The following SLCO1B3 variants were observed in gnomAD, a reference collection of about 807,000 sequenced individuals.
SLCO1B3 encodes liver-specific organic anion transporter 2.
In SLCO1B3, 72 loss-of-function variants were observed where a neutral mutation model predicts 71.8. The ratio of observed to expected loss-of-function variants is 1.00; its 90% CI spans 0.83 to 1.22. SLCO1B3 has a LOEUF of 1.22. Among genes scored for constraint, SLCO1B3 ranks in the 50% most tolerant of loss-of-function variants. The pLI, the probability that SLCO1B3 is intolerant of heterozygous loss-of-function variation, is 0.00. For missense variants in SLCO1B3, 911 were observed against 819.7 expected (o/e 1.11, Z -1.36); for synonymous variants, 298 against 278.4 (o/e 1.07, Z -0.70).
rs530603105 is a variant in SLCO1B3 at position 20,817,624 on chromosome 12, G to A, written c.84+1802G>A. Among the ~76,000 whole-genome samples, 5 of 152,086 alleles carry A rather than the reference G, an allele frequency of 3.3e-5. No individual in the cohort carries two copies. In the South Asian group the frequency reaches 1.0e-3, roughly 32 times the overall value. On this transcript the variant is annotated intron_variant, in intron 3 of 15. Transcript: ENST00000381545. ...TTTTTTTGAGATGGAGTCTCGCTCT[G>A]TCACCCAGGCTGGAGTGCAGTGGCA...
intron 3 of SLCO1B3, among the ~76,000 whole-genome samples, chr12:20,843,380 A>C (rs4382961): frequency 6.6e-6 from 1 of 151,698 alleles, no homozygotes; most frequent in Admixed American, 6.6e-5. Flanking sequence ...GTATCTTTAC[A>C]TGCCACACTT....
intron 3 of SLCO1B3, among the ~76,000 whole-genome samples, chr12:20,854,305 C>CATTATTATT (rs138788559): frequency 0.13 from 19,634 of 151,066 alleles, 1,438 homozygotes; most frequent in Middle Eastern, 0.23. Context: ...ATTGAAGTAT[C>CATTATTATT]ATTATTATTA....
chr12:20,871,693 G>C (rs1591772541), intron 8 of SLCO1B3, among the ~76,000 whole-genome samples: 1 of 152,066 alleles, frequency 6.6e-6, no homozygotes, highest in Non-Finnish European at 1.5e-5. Flanking sequence ...AGAGACTCTT[G>C]TTCTCTTCCC....
chr12:20,909,267 G>A (rs113063274), intron 15 of SLCO1B3, among the ~76,000 whole-genome samples: 2,252 of 147,370 alleles, frequency 0.015, 51 homozygotes, highest in African/African-American at 0.051. Flanking sequence ...CCAGGTTCAC[G>A]CCATTCTTCC....
chr12:20,858,529 C>A lies in SLCO1B3; in HGVS notation c.317C>A (p.Thr106Asn), dbSNP rs150007972. 4.4e-5 allele frequency: 70 copies of A among 1,604,430 alleles called. No individual in the cohort carries two copies. In the African/African-American group the frequency reaches 8.4e-4, roughly 19 times the overall value. Residue 106 changes from threonine to asparagine, a missense_variant, in exon 5 of 16, where the codon ACT (threonine) becomes AAT (asparagine). By Grantham distance (65) the Thr-to-Asn change is moderately conservative. Transcript: ENST00000381545. ...GGAATTGGTTGTCTCCTTATGGGAA[C>A]TGGAAGTATTTTGACATCTTTACCA... Reference protein sequence around the residue: ...LIGIGCLLMGTGSILTSLPHF... With the variant: ...LIGIGCLLMGNGSILTSLPHF...
chr12:20,880,059 T>C lies in SLCO1B3; in HGVS notation c.1331+428T>C, dbSNP rs1057013611. ...TTATCAATCTCCTTATTTTTCTTAA[T>C]TTAAATTCTATACTCATTTGAAGAT... On this transcript the variant is annotated intron_variant, in intron 11 of 15. Coordinates refer to ENST00000381545, the MANE Select transcript of SLCO1B3 (RefSeq NM_019844.4). Among the ~76,000 whole-genome samples the C allele has an allele frequency of 3.4e-4, 52 of 151,872 alleles. 1 individual carries two copies. Among genetic ancestry groups the C allele is most frequent in the Admixed American group, 1.6e-3 (25 of 15,240 alleles).
chr12:20,855,331 G>A (rs1440969035), intron 4 of SLCO1B3, among the ~76,000 whole-genome samples, 162 bp downstream of exon 4: 2 of 152,064 alleles, frequency 1.3e-5, no homozygotes, highest in Non-Finnish European at 2.9e-5. Flanking sequence ...AATGGGCTGG[G>A]GCAGGGAGGA....
At chr12:20,857,479 A>G (rs897999260) in intron 4 of SLCO1B3, among the ~76,000 whole-genome samples, 2 of 151,298 alleles carry the variant, frequency 1.3e-5, no homozygotes, top group East Asian at 1.9e-4. Flanking sequence ...ATTTTCTCTG[A>G]TGTGTGATGT....
Position 20,861,019 on chromosome 12 carries a change from A to C in SLCO1B3, c.362A>C (p.Tyr121Ser), listed in dbSNP as rs1315294246. The change falls in exon 6 of 16, where the codon TAT (tyrosine) becomes TCT (serine). Residue 121 changes from tyrosine to serine, a missense_variant and splice_region_variant. Physicochemically the swap from Tyr to Ser is moderately radical, Grantham distance 144. Transcript: ENST00000381545. The stretch of plus-strand genomic sequence containing the variant: ...TCAATTTCATGTTGCTCTTACAGTT[A>C]TAGGTATTCTAAAGAAACCCATATT... ...TSLPHFFMGY[Y>S]RYSKETHINP... 5 of 1,575,496 alleles carry C rather than the reference A, an allele frequency of 3.2e-6. No homozygotes were observed. In the South Asian group the frequency reaches 4.6e-5, roughly 15 times the overall value.
intron 3 of SLCO1B3, chr12:20,845,272 G>A (rs1864892132): frequency 5.0e-6 from 2 of 397,936 alleles, no homozygotes; most frequent in Admixed American, 5.6e-5. Context: ...CTTGGAAAGA[G>A]CAGCCCCAGT....
In SLCO1B3 at chr12:20,832,713, C is replaced by G. The variant is rs543792704; in HGVS notation, c.84+16891C>G. On this transcript the variant is annotated intron_variant, in intron 3 of 15. Coordinates refer to ENST00000381545, the MANE Select transcript of SLCO1B3 (RefSeq NM_019844.4). ...TTGGGGAATTTTGCATTTCCTTGTT[C>G]CTCTTCTAAAACGTTCTTCTTCCAG... is the stretch of plus-strand genomic sequence containing the variant. Among the ~76,000 whole-genome samples the G allele has an allele frequency of 3.4e-4, 52 of 152,196 alleles. 1 individual carries two copies. Among genetic ancestry groups the G allele is most frequent in the Admixed American group, 2.2e-3 (33 of 15,284 alleles).
intron 3 of SLCO1B3, among the ~76,000 whole-genome samples, chr12:20,821,126 G>C (rs1477708520): frequency 1.3e-5 from 2 of 152,074 alleles, no homozygotes; most frequent in African/African-American, 4.8e-5. Flanking sequence ...TGGGCCTGAG[G>C]GGACAGGCGG....
chr12:20,822,644 A>G (rs969378247), intron 3 of SLCO1B3, among the ~76,000 whole-genome samples: 1 of 152,172 alleles, frequency 6.6e-6, no homozygotes, highest in Non-Finnish European at 1.5e-5. Context: ...ACGTTACTGA[A>G]TCTACATGTT....
At chr12:20,844,808 T>A (rs954843433) in intron 3 of SLCO1B3, among the ~76,000 whole-genome samples, 25 of 151,938 alleles carry the variant, frequency 1.6e-4, no homozygotes, top group Admixed American at 3.3e-4. Context: ...GGTGGGCGAA[T>A]CATCTGAGGC....
At chr12:20,864,251 G>A (rs1457475649) in intron 8 of SLCO1B3, among the ~76,000 whole-genome samples, 1 of 151,716 alleles carries the variant, frequency 6.6e-6, no homozygotes, top group Non-Finnish European at 1.5e-5. Context: ...ATCATCAAGA[G>A]CATGCCTTTA....
chr12:20,876,935 A>G (rs1352068898), intron 9 of SLCO1B3, among the ~76,000 whole-genome samples: 1 of 152,062 alleles, frequency 6.6e-6, no homozygotes, highest in African/African-American at 2.4e-5. Flanking sequence ...GGTTCAAGCA[A>G]TTCTCCTGCC....
At chr12:20,820,310 C>T (rs906439367) in intron 3 of SLCO1B3, among the ~76,000 whole-genome samples, 1 of 152,152 alleles carries the variant, frequency 6.6e-6, no homozygotes, top group Non-Finnish European at 1.5e-5. Flanking sequence ...AGTCAGAGAG[C>T]CTTGGGCCAG....
At chr12:20,839,171 T>C (rs1484342446) in intron 3 of SLCO1B3, among the ~76,000 whole-genome samples, 1 of 152,002 alleles carries the variant, frequency 6.6e-6, no homozygotes, top group Non-Finnish European at 1.5e-5. Flanking sequence ...ATTATAGATA[T>C]TATTATTTTG....
chr12:20,910,024 C>T (rs1866343236), intron 15 of SLCO1B3, among the ~76,000 whole-genome samples: 2 of 152,138 alleles, frequency 1.3e-5, no homozygotes, highest in South Asian at 4.1e-4. Flanking sequence ...TGTGCTTTTG[C>T]TGTTGCATCT....
Sources: allele counts gnomAD v4.1 joint callset (sites outside exome capture counted in the v4.1 genomes callset), GRCh38; gene constraint gnomAD v4.1.1; transcripts MANE v1.5; gene names NCBI Gene and HGNC (gene_info 2026-07-23, HGNC 2026-07-21).